Variants in PHYHIPL observed in about 807,000 individuals in gnomAD.
PHYHIPL encodes phytanoyl-CoA 2-hydroxylase interacting protein like, also known as phytanoyl-CoA hydroxylase-interacting protein-like.
Under a neutral mutation model 33.4 loss-of-function variants are expected in PHYHIPL, and 9 were observed. That is an observed-to-expected ratio of 0.27 (90% CI 0.16 to 0.47). The LOEUF is 0.47. Among genes scored for constraint, PHYHIPL ranks in the 20% least tolerant of loss-of-function variants. The pLI is 0.99. For missense variants in PHYHIPL, 365 were observed against 460.7 expected, an observed-to-expected ratio of 0.79 and a Z score of 1.90; for synonymous variants, 153 against 154.1, an observed-to-expected ratio of 0.99 and a Z score of 0.05.
chr10:59,180,659 A>G (rs1838390874), intron 1 of PHYHIPL, among the ~76,000 whole-genome samples: 1 of 152,016 alleles, frequency 6.6e-6, no homozygotes. Flanking sequence ...CTCTAACAAT[A>G]CTTACGTGGA....
At chr10:59,187,643 G>A (rs1215203329) in intron 1 of PHYHIPL, among the ~76,000 whole-genome samples, 1 of 152,024 alleles carries the variant, frequency 6.6e-6, no homozygotes, top group Non-Finnish European at 1.5e-5. Flanking sequence ...CAATTTCAGA[G>A]CCTGTTATTG....
At chr10:59,214,513 T>C (rs765475504) in intron 1 of PHYHIPL, among the ~76,000 whole-genome samples, 8 of 152,068 alleles carry the variant, frequency 5.3e-5, no homozygotes, top group Non-Finnish European at 8.8e-5. Context: ...TTGGCGGTTA[T>C]GTTGATGGTG....
At chr10:59,211,102 C>T (rs1839426322) in intron 1 of PHYHIPL, among the ~76,000 whole-genome samples, 1 of 151,968 alleles carries the variant, frequency 6.6e-6, no homozygotes, top group South Asian at 2.1e-4. Flanking sequence ...GATATGGTGG[C>T]TCATGCCTGC....
chr10:59,177,936 G>A (rs1344429469), intron 1 of PHYHIPL, among the ~76,000 whole-genome samples: 2 of 152,140 alleles, frequency 1.3e-5, no homozygotes, highest in Non-Finnish European at 2.9e-5. Context: ...ACTTTTGACT[G>A]TAAATGAAAT....
chr10:59,231,799 AAAAT>A (rs1434166694), intron 1 of PHYHIPL, among the ~76,000 whole-genome samples: 1 of 152,152 alleles, frequency 6.6e-6, no homozygotes, highest in Non-Finnish European at 1.5e-5. Flanking sequence ...AACATTCACA[AAAAT>A]AAATCAAATA....
upstream of PHYHIPL, among the ~76,000 whole-genome samples, chr10:59,175,043 A>G (rs1838225791): frequency 6.6e-6 from 1 of 152,118 alleles, no homozygotes; most frequent in African/African-American, 2.4e-5. Context: ...ATTTGAGACT[A>G]CTCTAAAAAA....
At chr10:59,174,766 T>C (rs1417162094), upstream of PHYHIPL, among the ~76,000 whole-genome samples, 1 of 152,210 alleles carries the variant, frequency 6.6e-6, no homozygotes, top group East Asian at 1.9e-4. Flanking sequence ...TTCCTGACCA[T>C]CTAACCTAGG....
intron 1 of PHYHIPL, among the ~76,000 whole-genome samples, chr10:59,191,547 G>A (rs753215722): frequency 7.9e-5 from 12 of 151,974 alleles, no homozygotes; most frequent in Admixed American, 3.9e-4. Flanking sequence ...GCCAAACTTT[G>A]TTATAAAAAA....
chr10:59,223,273 C>T, intron 1 of PHYHIPL, among the ~76,000 whole-genome samples: 1 of 152,174 alleles, frequency 6.6e-6, no homozygotes, highest in East Asian at 1.9e-4. Context: ...TTACTTTGCT[C>T]TTTAACTTTG....
At chr10:59,198,754 G>C (rs1839001265) in intron 1 of PHYHIPL, among the ~76,000 whole-genome samples, 1 of 152,224 alleles carries the variant, frequency 6.6e-6, no homozygotes, top group Admixed American at 6.5e-5. Context: ...ATTCTAACTG[G>C]TGTGAGATGG....
chr10:59,185,396 G>C (rs1193331702), intron 1 of PHYHIPL, among the ~76,000 whole-genome samples: 1 of 152,130 alleles, frequency 6.6e-6, no homozygotes, highest in African/African-American at 2.4e-5. Context: ...CCAAGTCTTT[G>C]CTATTGTGAA....
chr10:59,200,481 G>A (rs1158645381), intron 1 of PHYHIPL, among the ~76,000 whole-genome samples: 1 of 152,100 alleles, frequency 6.6e-6, no homozygotes, highest in Non-Finnish European at 1.5e-5. Flanking sequence ...TTGGATTTTT[G>A]CATCGACGTT....
At chr10:59,184,401 T>G (rs1427975594) in intron 1 of PHYHIPL, among the ~76,000 whole-genome samples, 2 of 152,214 alleles carry the variant, frequency 1.3e-5, no homozygotes, top group African/African-American at 4.8e-5. Flanking sequence ...AGTTAATCTC[T>G]CTTGATAGGA....
At chr10:59,196,508 C>T (rs113586240) in intron 1 of PHYHIPL, among the ~76,000 whole-genome samples, 81 of 151,096 alleles carry the variant, frequency 5.4e-4, no homozygotes, top group African/African-American at 1.8e-3. Context: ...CTCCACCTCC[C>T]GGGTTCACGC....
At chr10:59,206,791 A>G in intron 1 of PHYHIPL, 1 of 1,238,728 alleles carries the variant, frequency 8.1e-7, no homozygotes, top group Non-Finnish European at 1.0e-6. Flanking sequence ...AGACAAGAAA[A>G]GGATAAAAGC....
chr10:59,200,022 T>C (rs1468238470), intron 1 of PHYHIPL, among the ~76,000 whole-genome samples: 3 of 152,194 alleles, frequency 2.0e-5, no homozygotes, highest in Non-Finnish European at 2.9e-5. Flanking sequence ...TTTGACTTCC[T>C]CTTTTCCTAA....
intron 1 of PHYHIPL, among the ~76,000 whole-genome samples, chr10:59,213,864 G>A (rs1380978156): frequency 1.3e-5 from 2 of 152,194 alleles, no homozygotes; most frequent in Non-Finnish European, 2.9e-5. Context: ...AAAGGATGAA[G>A]CATAGCTATA....
At chr10:59,188,779 A>G (rs2452519) in intron 1 of PHYHIPL, among the ~76,000 whole-genome samples, 7,628 of 152,012 alleles carry the variant, frequency 0.05, 510 homozygotes, top group African/African-American at 0.15. Context: ...TCCGAGACTA[A>G]GATTGCAACC....
At chr10:59,215,418 G>T (rs1839587777) in intron 1 of PHYHIPL, among the ~76,000 whole-genome samples, 1 of 151,992 alleles carries the variant, frequency 6.6e-6, no homozygotes, top group Non-Finnish European at 1.5e-5. Context: ...TCTTCAAGTG[G>T]TATTTTTAGA....
Sources: allele counts gnomAD v4.1 joint callset (sites outside exome capture counted in the v4.1 genomes callset), GRCh38; gene constraint gnomAD v4.1.1; transcripts MANE v1.5; gene names NCBI Gene and HGNC (gene_info 2026-07-23, HGNC 2026-07-21).